TUSC3: variants seen among roughly 807,000 people sequenced by gnomAD.
The protein encoded by TUSC3 is tumor suppressor candidate 3, also known as dolichyl-diphosphooligosaccharide--protein glycosyltransferase subunit TUSC3.
In TUSC3, 45 loss-of-function variants were observed where a neutral mutation model predicts 44.8. That is an observed-to-expected ratio of 1.00 (90% CI 0.79 to 1.29). TUSC3 has a LOEUF of 1.29. Ranked by LOEUF, TUSC3 falls within the 50% of genes most tolerant of loss-of-function variation. The probability of loss-of-function intolerance (pLI) is 0.00; values close to 1 mark genes in which losing one functional copy is unlikely to be tolerated. For missense variants in TUSC3, 519 were observed against 437.9 expected (o/e 1.19, Z -1.65); for synonymous variants, 212 against 152.9 (o/e 1.39, Z -2.85).
chr8:15,439,748 A>T (rs993444281), intron 1 of TUSC3, among the ~76,000 whole-genome samples: 10 of 152,068 alleles, frequency 6.6e-5, no homozygotes, highest in African/African-American at 2.2e-4. Flanking sequence ...CTTTTATCTT[A>T]ATAAGTATTT....
At chr8:15,665,651 G>A (rs1334473061) in intron 5 of TUSC3, among the ~76,000 whole-genome samples, 1 of 150,944 alleles carries the variant, frequency 6.6e-6, no homozygotes. Context: ...AGTAATATAT[G>A]CAAATATATT....
chr8:15,763,167 A>C (rs1291393378), intron 10 of TUSC3, among the ~76,000 whole-genome samples: 1 of 151,842 alleles, frequency 6.6e-6, no homozygotes, highest in Non-Finnish European at 1.5e-5. Context: ...CTAAAATGTT[A>C]CATTTTAAAA....
rs574047649 is a variant in TUSC3 at position 15,738,321 on chromosome 8, A to G, written c.863-5217A>G. On this transcript the variant is annotated intron_variant, in intron 7 of 10. Coordinates refer to ENST00000503731, the MANE Select transcript of TUSC3 (RefSeq NM_006765.4). ...AATTCTTGCATTTTAAAAAATTGTC[A>G]AGTAAGAATAAAGCTAAATTCCAGT... Among the ~76,000 whole-genome samples the G allele has an allele frequency of 4.6e-5, 7 of 152,316 alleles. No homozygotes were observed. The East Asian group carries it at 1.3e-3, about 29-fold the overall frequency.
chr8:15,483,332 GTTGTT>G (rs1323185861), intron 1 of TUSC3: 19 of 223,970 alleles, frequency 8.5e-5, no homozygotes, highest in South Asian at 4.4e-4. Flanking sequence ...TGTTGTTGTT[GTTGTT>G]TTGTTTTGTT....
chr8:15,727,860 A>C (rs1810562343), intron 6 of TUSC3, among the ~76,000 whole-genome samples: 1 of 152,184 alleles, frequency 6.6e-6, no homozygotes, highest in South Asian at 2.1e-4. Flanking sequence ...ATTTTTAGTA[A>C]AGTATCTTGA....
intron 5 of TUSC3, among the ~76,000 whole-genome samples, chr8:15,666,888 A>G (rs890481624): frequency 6.6e-6 from 1 of 151,504 alleles, no homozygotes; most frequent in African/African-American, 2.4e-5. Context: ...ACAGAAAATA[A>G]AATGAATTCG....
At chr8:15,704,024 G>A (rs1403886436) in intron 6 of TUSC3, among the ~76,000 whole-genome samples, 1 of 152,114 alleles carries the variant, frequency 6.6e-6, no homozygotes, top group African/African-American at 2.4e-5. Context: ...TTAGCCAGGG[G>A]ACACAGACAG....
chr8:15,723,610 T>G (rs7831445), intron 6 of TUSC3, among the ~76,000 whole-genome samples: 5,614 of 152,076 alleles, frequency 0.037, 297 homozygotes, highest in African/African-American at 0.13. Flanking sequence ...GTGTAGAGCC[T>G]AGTAAGAACT....
chr8:15,548,505 G>C (rs368267897), intron 1 of TUSC3, among the ~76,000 whole-genome samples: 2 of 151,760 alleles, frequency 1.3e-5, no homozygotes, highest in East Asian at 1.9e-4. Context: ...TGATGCTTTG[G>C]TTGCTGAAAC....
At chr8:15,781,647 T>G in the TUSC3 span, among the ~76,000 whole-genome samples, 1 of 151,970 alleles carries the variant, frequency 6.6e-6, no homozygotes, top group African/African-American at 2.4e-5. Flanking sequence ...GAGATTGAAA[T>G]AGTAATAAAA....
intron 1 of TUSC3, among the ~76,000 whole-genome samples, chr8:15,586,430 G>A (rs1803605628): frequency 6.6e-6 from 1 of 152,134 alleles, no homozygotes; most frequent in Non-Finnish European, 1.5e-5. Flanking sequence ...TAGGAAAACA[G>A]CAGAAGGAGT....
intron 6 of TUSC3, among the ~76,000 whole-genome samples, chr8:15,703,686 G>A (rs991765543): frequency 4.6e-5 from 7 of 152,064 alleles, no homozygotes; most frequent in Admixed American, 2.0e-4. Flanking sequence ...ATCAAATGGC[G>A]AGTGAGAGGA....
chr8:15,847,708 T>C, the TUSC3 span, among the ~76,000 whole-genome samples: 3 of 152,136 alleles, frequency 2.0e-5, no homozygotes, highest in Non-Finnish European at 4.4e-5. Context: ...GTAGTAAAAC[T>C]CCGAGGCAGA....
chr8:15,418,393 C>A (rs1174100919), intron 1 of TUSC3, among the ~76,000 whole-genome samples: 1 of 152,106 alleles, frequency 6.6e-6, no homozygotes, highest in Non-Finnish European at 1.5e-5. Context: ...GCCAGAAACT[C>A]TGAAAGTTTT....
intron 2 of TUSC3, among the ~76,000 whole-genome samples, chr8:15,534,371 C>T (rs901540509): frequency 1.2e-4 from 19 of 152,056 alleles, no homozygotes; most frequent in African/African-American, 2.4e-4. Flanking sequence ...GGGCTGGGCG[C>T]GGTGACGCAC....
At chr8:15,826,291 G>C in the TUSC3 span, among the ~76,000 whole-genome samples, 1 of 152,172 alleles carries the variant, frequency 6.6e-6, no homozygotes, top group South Asian at 2.1e-4. Flanking sequence ...AATGGGATTT[G>C]GCCTGCCACA....
At chr8:15,756,300 G>C (rs1436042438) in intron 9 of TUSC3, among the ~76,000 whole-genome samples, 1 of 152,084 alleles carries the variant, frequency 6.6e-6, no homozygotes, top group Admixed American at 6.5e-5. Flanking sequence ...GGTTAAGCCT[G>C]TTTCTTAATC....
At chr8:15,537,538 C>T (rs183820190), upstream of TUSC3, among the ~76,000 whole-genome samples, 2 of 152,310 alleles carry the variant, frequency 1.3e-5, no homozygotes, top group East Asian at 3.9e-4. Flanking sequence ...TGACTCTTGT[C>T]ATCAACCTAA....
chr8:15,820,236 T>A, the TUSC3 span, among the ~76,000 whole-genome samples: 9 of 152,302 alleles, frequency 5.9e-5, 1 homozygote, highest in East Asian at 7.7e-4. Context: ...TCTTATATAT[T>A]GTTGGATTCA....
Sources: allele counts gnomAD v4.1 joint callset (sites outside exome capture counted in the v4.1 genomes callset), GRCh38; gene constraint gnomAD v4.1.1; transcripts MANE v1.5; gene names NCBI Gene and HGNC (gene_info 2026-07-23, HGNC 2026-07-21).